Variants in DEFB1 observed in about 807,000 individuals in gnomAD.
DEFB1 encodes beta-defensin 1.
In DEFB1, 4 loss-of-function variants were observed where a neutral mutation model predicts 2.6. The ratio of observed to expected loss-of-function variants is 1.53; its 90% CI spans 0.76 to 3.51. DEFB1 has a LOEUF of 3.51. Ranked by LOEUF, DEFB1 falls within the 30% of genes most tolerant of loss-of-function variation. The pLI is 0.01. For missense variants in DEFB1, 162 were observed against 76.9 expected (o/e 2.11, Z -4.14); for synonymous variants, 56 against 28.5 (o/e 1.96, Z -3.07).
chr8:6,877,645 C>A, intron 1 of DEFB1, 152 bp downstream of exon 1: 1 of 672,490 alleles, frequency 1.5e-6, no homozygotes, highest in Non-Finnish European at 2.5e-6. Flanking sequence ...TGCCTGCTGC[C>A]TTCTGCCAAC....
At chr8:6,872,111 T>C (rs993647282) in intron 1 of DEFB1, among the ~76,000 whole-genome samples, 1 of 152,170 alleles carries the variant, frequency 6.6e-6, no homozygotes, top group Non-Finnish European at 1.5e-5. Context: ...ATGCCTGGTT[T>C]CTGGTCCCTT....
Position 6,877,809 on chromosome 8 carries a change from C to G in DEFB1, c.49G>C (p.Glu17Gln), listed in dbSNP as rs768624146. The G allele has an allele frequency of 1.2e-6, 2 of 1,613,972 alleles. No homozygotes were observed. The highest frequency in any genetic ancestry group is 2.2e-5 in the East Asian group (1 of 44,858). ...LLFTLCLLLSEMASGGNFLTG... is the reference protein window; with the variant it reads ...LLFTLCLLLSQMASGGNFLTG... ...TACCAGAGCTTACCTGAGGCCATCT[C>G]AGACAAAAGTAAGCAGAGAGTAAAC... is the stretch of plus-strand genomic sequence containing the variant. Residue 17 changes from glutamate to glutamine, a missense_variant, in exon 1 of 2, where the codon GAG (glutamate) becomes CAG (glutamine). Glu to Gln is a conservative substitution (Grantham distance 29). Coordinates refer to ENST00000297439, the MANE Select transcript of DEFB1 (RefSeq NM_005218.4).
At chr8:6,872,360 A>C (rs1302487828) in intron 1 of DEFB1, among the ~76,000 whole-genome samples, 1 of 152,254 alleles carries the variant, frequency 6.6e-6, no homozygotes, top group Non-Finnish European at 1.5e-5. Context: ...GCAAGTGCTC[A>C]CGAGCACTAT....
chr8:6,876,838 CA>C (rs987541525), intron 1 of DEFB1, among the ~76,000 whole-genome samples: 1 of 79,760 alleles, frequency 1.3e-5, no homozygotes, highest in Non-Finnish European at 2.3e-5. Context: ...AACCAAAAAC[CA>C]AAAACCAAAA....
chr8:6,873,193 G>A (rs904281329), intron 1 of DEFB1, among the ~76,000 whole-genome samples: 1 of 152,196 alleles, frequency 6.6e-6, no homozygotes, highest in Non-Finnish European at 1.5e-5. Context: ...GAAGGAACAA[G>A]GTCCAGTGAT....
At chr8:6,871,792 G>A (rs79559910) in intron 1 of DEFB1, among the ~76,000 whole-genome samples, 9,235 of 152,280 alleles carry the variant, frequency 0.061, 396 homozygotes, top group Middle Eastern at 0.14. Context: ...CACCTGAGAA[G>A]AAGCCAACCC....
At position 6,877,834 on chromosome 8, in the gene DEFB1, C is replaced by T. The variant is rs1224254669; in HGVS notation, c.24G>A (p.Leu8=). ...CAGACAAAAGTAAGCAGAGAGTAAA[C>T]AGCAGAAGGTAGGAAGTTCTCATGG... MRTSYLL[L]FTLCLLLSEM... The change falls in exon 1 of 2, where the codon CTG becomes CTA. Residue 8 remains leucine, a synonymous_variant. Coordinates refer to ENST00000297439, the MANE Select transcript of DEFB1 (RefSeq NM_005218.4). 2 of 1,614,048 alleles carry T rather than the reference C, an allele frequency of 1.2e-6. No individual in the cohort carries two copies. Among genetic ancestry groups the T allele is most frequent in the Non-Finnish European group, 1.7e-6 (2 of 1,179,954 alleles).
intron 1 of DEFB1, 103 bp downstream of exon 1, chr8:6,877,694 G>T (rs1806583105): frequency 8.6e-6 from 9 of 1,051,628 alleles, no homozygotes; most frequent in South Asian, 4.1e-5. Context: ...CCTGCTGCTT[G>T]TTCCTCGTCC....
At chr8:6,874,889 G>GGA (rs1277239867) in intron 1 of DEFB1, among the ~76,000 whole-genome samples, 7 of 151,948 alleles carry the variant, frequency 4.6e-5, no homozygotes, top group Non-Finnish European at 8.8e-5. Context: ...GGCTGAGGCA[G>GGA]GAGAATCCCT....
intron 1 of DEFB1, 62 bp downstream of exon 1, chr8:6,877,735 C>G (rs1806585035): frequency 1.4e-6 from 2 of 1,457,818 alleles, no homozygotes; most frequent in Admixed American, 1.7e-5. Context: ...ATCCGAGACT[C>G]ACATCAGCCC....
At chr8:6,873,039 G>A (rs936493094) in intron 1 of DEFB1, among the ~76,000 whole-genome samples, 1 of 152,208 alleles carries the variant, frequency 6.6e-6, no homozygotes, top group Non-Finnish European at 1.5e-5. Context: ...GTTCTTGATT[G>A]TTCTTCTCAG....
intron 1 of DEFB1, among the ~76,000 whole-genome samples, chr8:6,876,528 G>T (rs1030201320): frequency 1.3e-5 from 2 of 152,022 alleles, no homozygotes; most frequent in Admixed American, 6.6e-5. Flanking sequence ...GAGTGGAGTG[G>T]CTCATGCCTA....
In DEFB1 at chr8:6,870,748, GAAT is replaced by G. The variant is rs1563394192; in HGVS notation, c.137_139del (p.Tyr46del). ...AATTTTGGTAAAGATCGGGCAGGCA[GAAT>G]AGAGACATTGCCCTCCACTGCTGAC... On this transcript the variant is annotated inframe_deletion, in exon 2 of 2. Transcript: ENST00000297439. The G allele has an allele frequency of 6.2e-7, 1 of 1,614,244 alleles. No homozygotes were observed. Among genetic ancestry groups the G allele is most frequent in the Non-Finnish European group, 8.5e-7 (1 of 1,180,046 alleles).
rs149319759 is a variant in DEFB1, at chr8:6,870,817, A to C, written c.71T>G (p.Phe24Cys). Reference protein sequence around the residue: ...LLSEMASGGNFLTGLGHRSDH... With the variant: ...LLSEMASGGNCLTGLGHRSDH... ...AGATCTGTGGCCAAGGCCTGTGAGA[A>C]AGTTACCACCTGTAAGGAGGGAACA... The change falls in exon 2 of 2, where the codon TTT (phenylalanine) becomes TGT (cysteine). Residue 24 changes from phenylalanine (F) to cysteine (C), a missense_variant. Phe to Cys is a radical substitution (Grantham distance 205). Coordinates refer to ENST00000297439, the MANE Select transcript of DEFB1 (RefSeq NM_005218.4). 1.7e-4 allele frequency: 268 copies of C among 1,613,060 alleles called. 1 individual carries two copies. Among genetic ancestry groups the C allele is most frequent in the African/African-American group, 1.2e-3 (88 of 74,998 alleles).
intron 1 of DEFB1, among the ~76,000 whole-genome samples, chr8:6,871,383 T>G (rs752908157): frequency 3.9e-5 from 6 of 152,142 alleles, no homozygotes; most frequent in Non-Finnish European, 5.9e-5. Context: ...CTACTTGGAC[T>G]TTATTTTGCC....
chr8:6,874,978 T>C, intron 1 of DEFB1, among the ~76,000 whole-genome samples: 1 of 87,254 alleles, frequency 1.1e-5, no homozygotes. Context: ...CGAGACTCAG[T>C]CTCAAAAAAA....
At chr8:6,875,753 G>T (rs915555339) in intron 1 of DEFB1, among the ~76,000 whole-genome samples, 1 of 152,210 alleles carries the variant, frequency 6.6e-6, no homozygotes, top group Non-Finnish European at 1.5e-5. Flanking sequence ...ATCCGGTGAT[G>T]CAACTTTTCA....
intron 1 of DEFB1, among the ~76,000 whole-genome samples, chr8:6,875,058 C>T (rs533180170): frequency 7.8e-6 from 1 of 127,688 alleles, no homozygotes; most frequent in Non-Finnish European, 1.6e-5. Flanking sequence ...TTACTTCATA[C>T]CGAAGCCACA....
At chr8:6,873,494 C>T (rs1806398452) in intron 1 of DEFB1, among the ~76,000 whole-genome samples, 1 of 152,166 alleles carries the variant, frequency 6.6e-6, no homozygotes, top group Non-Finnish European at 1.5e-5. Flanking sequence ...AGCAGCTTCT[C>T]AAATTTAAAA....
Sources: gnomAD v4.1 joint callset for allele counts (sites outside exome capture counted in the v4.1 genomes callset) on GRCh38, gnomAD v4.1.1 for gene constraint, MANE v1.5 for transcripts, NCBI Gene and HGNC (gene_info 2026-07-23, HGNC 2026-07-21) for gene names.